UBE3A: variants seen among roughly 807,000 people sequenced by gnomAD.
UBE3A encodes the protein ubiquitin protein ligase E3A.
UBE3A carries 6 observed loss-of-function variants against 83.4 expected under a neutral mutation model. That is an observed-to-expected ratio of 0.07 (90% CI 0.04 to 0.14). UBE3A has a LOEUF of 0.14. Ranked by LOEUF, UBE3A falls within the 10% of genes least tolerant of loss-of-function variation. UBE3A has a pLI of 1.00. For synonymous variants in UBE3A, 337 were observed against 355.4 expected, an observed-to-expected ratio of 0.95 and a Z score of 0.58; for missense variants, 456 against 1,036.1, an observed-to-expected ratio of 0.44 and a Z score of 7.69.
intron 4 of UBE3A, among the ~76,000 whole-genome samples, chr15:25,381,255 C>T (rs559974521): frequency 3.3e-5 from 5 of 152,038 alleles, no homozygotes; most frequent in South Asian, 2.1e-4. Flanking sequence ...TCTGTCTTTC[C>T]GTGTCTGGCT....
intron 8 of UBE3A, among the ~76,000 whole-genome samples, chr15:25,356,460 T>C (rs2077224936): frequency 6.6e-6 from 1 of 152,172 alleles, no homozygotes; most frequent in South Asian, 2.1e-4. Context: ...GAAACACTTC[T>C]CTATGAAATC....
At chr15:25,431,368 A>C (rs1158758426) in intron 1 of UBE3A, among the ~76,000 whole-genome samples, 2 of 152,092 alleles carry the variant, frequency 1.3e-5, no homozygotes, top group Non-Finnish European at 2.9e-5. Context: ...CTTTTTTGAG[A>C]TGAAATCTTG....
rs1443200781 is a variant in UBE3A, at chr15:25,337,778, A to AATACATAATCCTT, written c.*1346_*1358dup. 2.6e-5 allele frequency: 4 copies of AATACATAATCCTT among 152,154 alleles called. No individual in the cohort carries two copies. The highest frequency in any genetic ancestry group is 5.9e-5 in the Non-Finnish European group (4 of 68,012). 9.4% of individuals were successfully genotyped at this position (152,154 alleles called of 1,614,324 possible). A position where few individuals can be genotyped will look rare whatever the true frequency, so the allele number is the denominator to read the frequency against. On this transcript the variant is annotated 3_prime_UTR_variant, in exon 13 of 13. Coordinates refer to ENST00000648336, the MANE Select transcript of UBE3A (RefSeq NM_130839.5). ...ATATCAATGTCTCACCTTAGTTAAAAATACATAATCCTTTTATTTTATAAT... is the reference window on the plus strand; with the variant it reads ...ATATCAATGTCTCACCTTAGTTAAAAATACATAATCCTTATACATAATCCTTTTATTTTATAAT...
chr15:25,356,610 T>C, intron 8 of UBE3A, 81 bp downstream of exon 8: 1 of 1,405,208 alleles, frequency 7.1e-7, no homozygotes, highest in Non-Finnish European at 9.9e-7. Flanking sequence ...AAACAAAAAC[T>C]TTAAAATTTT....
chr15:25,429,229 CT>C (rs1463279584), intron 1 of UBE3A, among the ~76,000 whole-genome samples: 2 of 152,144 alleles, frequency 1.3e-5, no homozygotes, highest in African/African-American at 2.4e-5. Context: ...ACTTAAGAAT[CT>C]CAAGACAGTT....
At chr15:25,343,420 T>C (rs2075187516) in intron 11 of UBE3A, among the ~76,000 whole-genome samples, 2 of 152,006 alleles carry the variant, frequency 1.3e-5, no homozygotes, top group Admixed American at 1.3e-4. Context: ...TGAGCACATC[T>C]TAAATAAAAA....
chr15:25,415,429 C>T (rs533307362), intron 1 of UBE3A, among the ~76,000 whole-genome samples: 3 of 152,292 alleles, frequency 2.0e-5, no homozygotes, highest in African/African-American at 7.2e-5. Context: ...CTAGTCCCAT[C>T]ATTTGACTAT....
At chr15:25,346,503 T>TA (rs1407053261) in intron 11 of UBE3A, 3 of 152,226 alleles carry the variant, frequency 2.0e-5, no homozygotes, top group African/African-American at 7.2e-5. Flanking sequence ...TTATCTGTCA[T>TA]ACCAAGAACC....
chr15:25,359,421 G>C (rs1325484162), intron 7 of UBE3A, among the ~76,000 whole-genome samples: 1 of 51,272 alleles, frequency 2.0e-5, no homozygotes, highest in Non-Finnish European at 3.5e-5. Context: ...AGGGATGCGT[G>C]TGTGTGTGTG....
At chr15:25,355,107 G>A (rs2077044984) in intron 9 of UBE3A, among the ~76,000 whole-genome samples, 1 of 152,134 alleles carries the variant, frequency 6.6e-6, no homozygotes, top group Non-Finnish European at 1.5e-5. Flanking sequence ...AACTAGGTAT[G>A]TAAACAGACA....
At chr15:25,437,496 G>A (rs2153193727) in intron 1 of UBE3A, among the ~76,000 whole-genome samples, 1 of 152,186 alleles carries the variant, frequency 6.6e-6, no homozygotes, top group South Asian at 2.1e-4. Context: ...AATATTGCAG[G>A]CAGTAAAATG....
intron 4 of UBE3A, among the ~76,000 whole-genome samples, chr15:25,378,269 A>C (rs2081563590): frequency 6.6e-6 from 1 of 152,156 alleles, no homozygotes; most frequent in African/African-American, 2.4e-5. Context: ...ATAGGAGGAG[A>C]GTGATCAGCA....
At chr15:25,359,664 T>C (rs2077755275) in intron 7 of UBE3A, among the ~76,000 whole-genome samples, 1 of 152,144 alleles carries the variant, frequency 6.6e-6, no homozygotes, top group Admixed American at 6.5e-5. Context: ...TAAGTGGTTA[T>C]ATTTACAGTA....
intron 11 of UBE3A, among the ~76,000 whole-genome samples, chr15:25,342,165 A>T (rs1168936507): frequency 6.6e-6 from 1 of 152,168 alleles, no homozygotes; most frequent in African/African-American, 2.4e-5. Context: ...GACAAGAGAA[A>T]ACAAGTCTGC....
intron 4 of UBE3A, among the ~76,000 whole-genome samples, chr15:25,396,523 T>C (rs556096853): frequency 6.6e-6 from 1 of 152,310 alleles, no homozygotes; most frequent in East Asian, 1.9e-4. Flanking sequence ...CTCAGGAGGC[T>C]GAGGCATGAG....
At chr15:25,356,277 A>G (rs1007790448) in intron 8 of UBE3A, among the ~76,000 whole-genome samples, 27 of 149,822 alleles carry the variant, frequency 1.8e-4, no homozygotes, top group African/African-American at 6.6e-4. Flanking sequence ...CATACCACCA[A>G]TTTAGCAATA....
intron 4 of UBE3A, among the ~76,000 whole-genome samples, chr15:25,399,415 T>C (rs929209412): frequency 6.6e-6 from 1 of 152,206 alleles, no homozygotes; most frequent in East Asian, 1.9e-4. Context: ...TTCATTCTCA[T>C]GCATGTAGAT....
At chr15:25,412,409 C>T (rs77798821) in intron 1 of UBE3A, among the ~76,000 whole-genome samples, 52 of 152,202 alleles carry the variant, frequency 3.4e-4, no homozygotes, top group Non-Finnish European at 6.6e-4. Flanking sequence ...AGCCTTGGGC[C>T]GACCCTCTGA....
chr15:25,398,767 T>TTTTATATATATATATA (rs1555415650), intron 4 of UBE3A, among the ~76,000 whole-genome samples: 1 of 67,148 alleles, frequency 1.5e-5, no homozygotes, highest in African/African-American at 5.0e-5. Flanking sequence ...TTTTATTCTT[T>TTTTATATATATATATA]TATTTATATA....
Sources: gnomAD v4.1 joint callset for allele counts (sites outside exome capture counted in the v4.1 genomes callset) on GRCh38, gnomAD v4.1.1 for gene constraint, MANE v1.5 for transcripts, NCBI Gene and HGNC (gene_info 2026-07-23, HGNC 2026-07-21) for gene names.